Variants in ARHGAP10 observed in about 807,000 individuals in gnomAD.
ARHGAP10 encodes the protein rho GTPase-activating protein 10.
ARHGAP10 carries 87 observed loss-of-function variants against 108.6 expected under a neutral mutation model. That is an observed-to-expected ratio of 0.80 (90% CI 0.67 to 0.96). ARHGAP10 has a LOEUF of 0.96. Among genes scored for constraint, ARHGAP10 ranks in the 40% least tolerant of loss-of-function variants. The pLI, the probability that ARHGAP10 is intolerant of heterozygous loss-of-function variation, is 0.00. For synonymous variants in ARHGAP10, 347 were observed against 341.1 expected, an observed-to-expected ratio of 1.02 and a Z score of -0.19; for missense variants, 939 against 954.5, an observed-to-expected ratio of 0.98 and a Z score of 0.21.
intron 19 of ARHGAP10, among the ~76,000 whole-genome samples, chr4:148,029,704 T>G (rs1197223179): frequency 1.3e-5 from 2 of 152,196 alleles, no homozygotes; most frequent in East Asian, 3.8e-4. Context: ...GGGCTCTGGA[T>G]AATAACTTCC....
chr4:148,029,380 A>G (rs1010337554), intron 19 of ARHGAP10, among the ~76,000 whole-genome samples: 2 of 152,218 alleles, frequency 1.3e-5, no homozygotes, highest in Non-Finnish European at 2.9e-5. Flanking sequence ...CTCAGCTCCC[A>G]AGAGAGCATC....
At chr4:148,043,629 A>ATTAT (rs1296019702) in intron 19 of ARHGAP10, among the ~76,000 whole-genome samples, 1 of 99,704 alleles carries the variant, frequency 1.0e-5, no homozygotes, top group Non-Finnish European at 2.1e-5. Context: ...ATATATATAT[A>ATTAT]TATATATATA....
intron 1 of ARHGAP10, among the ~76,000 whole-genome samples, chr4:147,733,258 GGA>G (rs1728295154): frequency 6.6e-6 from 1 of 152,134 alleles, no homozygotes; most frequent in Admixed American, 6.5e-5. Context: ...GTGTAGTTGA[GGA>G]GAGTCTTTCT....
chr4:147,992,270 C>A (rs192367900), intron 18 of ARHGAP10, among the ~76,000 whole-genome samples: 1 of 152,268 alleles, frequency 6.6e-6, no homozygotes, highest in Admixed American at 6.5e-5. Context: ...CCAGGTGTTG[C>A]CACGTTTGTC....
At chr4:147,744,356 T>A (rs925777473) in intron 1 of ARHGAP10, among the ~76,000 whole-genome samples, 3 of 151,466 alleles carry the variant, frequency 2.0e-5, no homozygotes, top group Admixed American at 6.6e-5. Context: ...GGAATCTGCA[T>A]TGAGGATAAG....
In ARHGAP10 at chr4:147,732,198, C is replaced by T. The variant is rs926118278; in HGVS notation, c.-104C>T. On this transcript the variant is annotated 5_prime_UTR_variant, in exon 1 of 23. Transcript: ENST00000336498. ...GCCGCGCGCCCGGGCCTGCTAGCTC[C>T]TCTGTGCTCCCTGAACGCGCGGCGC... 40 of 1,245,844 alleles carry T rather than the reference C, an allele frequency of 3.2e-5. No individual in the cohort carries two copies. The highest frequency in any genetic ancestry group is 1.2e-4 in the Admixed American group (3 of 24,408). The allele number at this position is 1,245,844 out of a possible 1,614,324, so 77.2% of individuals were successfully genotyped here.
intron 1 of ARHGAP10, among the ~76,000 whole-genome samples, chr4:147,762,592 G>A (rs1054432596): frequency 2.6e-5 from 4 of 151,064 alleles, no homozygotes; most frequent in Non-Finnish European, 4.4e-5. Context: ...GTGCAGTGGC[G>A]CAATCTCGGC....
In ARHGAP10 at chr4:147,948,694, C is replaced by T. The variant is rs139667788; in HGVS notation, c.1391+1990C>T. 3.5e-3 allele frequency among the ~76,000 whole-genome samples: 529 copies of T among 152,092 alleles called. 2 individuals are homozygous for T. Among genetic ancestry groups the T allele is most frequent in the African/African-American group, 0.012 (504 of 41,480 alleles). ...ATTGTAGGCCGGGCGCGGTGGCTCA[C>T]GCCTGTAATCTCAGCACTTTGGGAG... On this transcript the variant is annotated intron_variant, in intron 15 of 22. Transcript: ENST00000336498.
chr4:147,952,704 C>G (rs1738651094), intron 15 of ARHGAP10, among the ~76,000 whole-genome samples: 1 of 151,984 alleles, frequency 6.6e-6, no homozygotes. Flanking sequence ...CATTCTGTGA[C>G]TTGTCTTTTT....
intron 1 of ARHGAP10, among the ~76,000 whole-genome samples, chr4:147,798,759 C>A (rs866291836): frequency 4.1e-4 from 18 of 44,048 alleles, no homozygotes; most frequent in East Asian, 1.0e-3. Flanking sequence ...CTCTCTCTCT[C>A]TCTCTCTCTC....
intron 13 of ARHGAP10, among the ~76,000 whole-genome samples, chr4:147,920,247 G>C (rs13435720): frequency 1.3e-4 from 18 of 137,652 alleles, no homozygotes; most frequent in African/African-American, 5.8e-4. Flanking sequence ...TGAAACCCTG[G>C]CTCTACCAAA....
chr4:147,746,390 C>T (rs1308227064), intron 1 of ARHGAP10, among the ~76,000 whole-genome samples: 2 of 149,334 alleles, frequency 1.3e-5, no homozygotes, highest in Admixed American at 6.7e-5. Context: ...GTGTGAGTCA[C>T]TGCGCCAGGC....
intron 19 of ARHGAP10, among the ~76,000 whole-genome samples, chr4:148,033,804 T>G (rs184924825): frequency 6.6e-6 from 1 of 152,222 alleles, no homozygotes; most frequent in Non-Finnish European, 1.5e-5. Context: ...TCATTGGCAC[T>G]AACTGAGAAT....
chr4:147,843,070 C>T (rs761347780), intron 3 of ARHGAP10, among the ~76,000 whole-genome samples: 2 of 152,178 alleles, frequency 1.3e-5, no homozygotes, highest in Non-Finnish European at 2.9e-5. Flanking sequence ...GGTAGCAACT[C>T]TCAGCTTTTT....
intron 3 of ARHGAP10, among the ~76,000 whole-genome samples, chr4:147,839,528 C>T (rs1438137567): frequency 6.6e-6 from 1 of 152,138 alleles, no homozygotes; most frequent in Non-Finnish European, 1.5e-5. Context: ...TCAGTTTTAC[C>T]TAGACTGAGA....
chr4:147,922,557 G>C (rs1351409097), intron 13 of ARHGAP10, among the ~76,000 whole-genome samples: 2 of 150,036 alleles, frequency 1.3e-5, no homozygotes, highest in Non-Finnish European at 3.0e-5. Flanking sequence ...GCGTAGTGGC[G>C]GGCGCCTGTA....
At chr4:148,000,698 T>C (rs1276239611) in intron 18 of ARHGAP10, among the ~76,000 whole-genome samples, 7 of 152,256 alleles carry the variant, frequency 4.6e-5, no homozygotes, top group Non-Finnish European at 1.0e-4. Flanking sequence ...CATTTTTTCA[T>C]GTGTCTGTTG....
chr4:147,912,583 AT>A (rs1560823049), intron 12 of ARHGAP10, among the ~76,000 whole-genome samples: 4 of 125,118 alleles, frequency 3.2e-5, no homozygotes, highest in African/African-American at 1.5e-4. Flanking sequence ...ATATATATAT[AT>A]ATATATATAT....
chr4:148,068,900 C>T (rs1365171593), intron 22 of ARHGAP10, among the ~76,000 whole-genome samples: 2 of 152,180 alleles, frequency 1.3e-5, no homozygotes, highest in African/African-American at 2.4e-5. Flanking sequence ...CCCTGCCTCA[C>T]ACCCGTCTTG....
Sources: gnomAD v4.1 joint callset for allele counts (sites outside exome capture counted in the v4.1 genomes callset) on GRCh38, gnomAD v4.1.1 for gene constraint, MANE v1.5 for transcripts, NCBI Gene and HGNC (gene_info 2026-07-23, HGNC 2026-07-21) for gene names.